The following PWWP2A variants were observed in gnomAD, a reference collection of about 807,000 sequenced individuals.
The protein encoded by PWWP2A is PWWP domain containing 2A.
In PWWP2A, 18 loss-of-function variants were observed where a neutral mutation model predicts 48.5. The observed-to-expected ratio is 0.37, with a 90% CI of 0.26 to 0.55. PWWP2A has a LOEUF of 0.55. PWWP2A is among the 20% of genes least tolerant of loss of function. PWWP2A has a pLI of 0.81. For synonymous variants in PWWP2A, 396 were observed against 387.7 expected (o/e 1.02, Z -0.25); for missense variants, 867 against 976.4 (o/e 0.89, Z 1.49).
At chr5:160,051,125 TC>T in the PWWP2A span, 1 of 1,595,550 alleles carries the variant, frequency 6.3e-7, no homozygotes, top group Non-Finnish European at 8.5e-7. Flanking sequence ...CCTCTTTTCC[TC>T]AGAGATTACC....
the PWWP2A span, among the ~76,000 whole-genome samples, chr5:160,046,701 G>A: frequency 3.9e-3 from 592 of 152,180 alleles, 3 homozygotes; most frequent in African/African-American, 0.013. Flanking sequence ...GAAAATGCAC[G>A]GATTTTTTAA....
chr5:160,098,646 AG>A (rs1755934824), intron 1 of PWWP2A, among the ~76,000 whole-genome samples: 1 of 152,256 alleles, frequency 6.6e-6, no homozygotes, highest in African/African-American at 2.4e-5. Flanking sequence ...ATATGGATCC[AG>A]ATGTAAAACA....
Position 160,092,558 on chromosome 5 carries a change from ACCCAAAC to A in PWWP2A, c.2085_2091del (p.Trp695CysfsTer17). On this transcript the variant is annotated frameshift_variant, in exon 2 of 2. Coordinates refer to ENST00000307063, the MANE Select transcript of PWWP2A (RefSeq NM_001130864.2). LOFTEE classifies it high-confidence loss of function. ...AGAGCAAGGAAAGATGTTGTTGGAG[ACCCAAAC>A]CATGAAATACGGGCCTCCTGTCGGA... The A allele has an allele frequency of 2.6e-6, 4 of 1,551,578 alleles. No homozygotes were observed. Among genetic ancestry groups the A allele is most frequent in the Non-Finnish European group, 3.5e-6 (4 of 1,146,978 alleles).
At chr5:160,115,137 C>CAAAAAAAAAAA (rs535110852) in intron 1 of PWWP2A, among the ~76,000 whole-genome samples, 3 of 88,424 alleles carry the variant, frequency 3.4e-5, no homozygotes, top group African/African-American at 1.7e-4. Flanking sequence ...GAGACTCTGT[C>CAAAAAAAAAAA]AAAAAAAAAA....
At chr5:160,045,728 TTTTTTTA>T in the PWWP2A span, among the ~76,000 whole-genome samples, 5 of 151,876 alleles carry the variant, frequency 3.3e-5, no homozygotes, top group African/African-American at 4.8e-5. Context: ...CCCAGCTAAC[TTTTTTTA>T]TTTTTTATTT....
chr5:160,074,441 A>AT (rs1753818781), downstream of PWWP2A, among the ~76,000 whole-genome samples: 1 of 150,228 alleles, frequency 6.7e-6, no homozygotes, highest in Non-Finnish European at 1.5e-5. Flanking sequence ...TCTGTCTCAA[A>AT]AAAATAAATA....
chr5:160,086,514 CTAAA>C (rs926224973), downstream of PWWP2A, among the ~76,000 whole-genome samples: 4 of 152,040 alleles, frequency 2.6e-5, no homozygotes, highest in Admixed American at 6.6e-5. Context: ...GACCTTGTCT[CTAAA>C]TAAATAAATA....
At chr5:160,103,640 C>G (rs1756535983) in intron 1 of PWWP2A, among the ~76,000 whole-genome samples, 2 of 151,924 alleles carry the variant, frequency 1.3e-5, no homozygotes, top group Admixed American at 6.6e-5. Flanking sequence ...AAGAGCAAAA[C>G]AGGGAGTGGT....
downstream of PWWP2A, among the ~76,000 whole-genome samples, chr5:160,073,449 G>C (rs901078986): frequency 6.6e-6 from 1 of 151,742 alleles, no homozygotes; most frequent in South Asian, 2.1e-4. Flanking sequence ...GGATGGTCTC[G>C]ATCTCCTGAC....
chr5:160,111,459 C>T lies in PWWP2A; in HGVS notation c.584+7346G>A, dbSNP rs545568404. Among the ~76,000 whole-genome samples the T allele has an allele frequency of 1.4e-4, 21 of 151,932 alleles. No individual in the cohort carries two copies. In the Middle Eastern group the frequency reaches 0.01, roughly 74 times the overall value. ...CTGGTATTACAGGCGTGAGCCACCG[C>T]GCCTGGCACTTTTTTTTTTTCTTAA... On this transcript the variant is annotated intron_variant, in intron 1 of 1. Coordinates refer to ENST00000307063, the MANE Select transcript of PWWP2A (RefSeq NM_001130864.2).
At chr5:160,058,612 C>T (rs557598174), downstream of PWWP2A, among the ~76,000 whole-genome samples, 1 of 151,936 alleles carries the variant, frequency 6.6e-6, no homozygotes, top group Admixed American at 6.5e-5. Flanking sequence ...AGGGTTTCAC[C>T]GTGGTAGCCA....
At chr5:160,050,245 C>G in the PWWP2A span, among the ~76,000 whole-genome samples, 1 of 152,106 alleles carries the variant, frequency 6.6e-6, no homozygotes, top group Non-Finnish European at 1.5e-5. Flanking sequence ...GTCGGGAGTT[C>G]GAGACCAGCC....
At chr5:160,058,734 T>G (rs758919665), downstream of PWWP2A, among the ~76,000 whole-genome samples, 1 of 152,134 alleles carries the variant, frequency 6.6e-6, no homozygotes, top group Non-Finnish European at 1.5e-5. Flanking sequence ...TCTTAAATAA[T>G]AAGACTATAA....
intron 1 of PWWP2A, among the ~76,000 whole-genome samples, chr5:160,115,680 G>A (rs1205874999): frequency 2.7e-5 from 4 of 150,866 alleles, no homozygotes; most frequent in African/African-American, 7.3e-5. Context: ...GTGACAGAGT[G>A]AGACTCCATC....
the PWWP2A span, chr5:160,051,331 G>A: frequency 3.5e-3 from 2,027 of 579,872 alleles, 35 homozygotes; most frequent in African/African-American, 0.033. Flanking sequence ...ACCCCAGAAG[G>A]GGCAGCGTGG....
intron 2 of PWWP2A, among the ~76,000 whole-genome samples, chr5:160,070,054 A>G (rs1753705311): frequency 6.6e-6 from 1 of 152,240 alleles, no homozygotes; most frequent in African/African-American, 2.4e-5. Context: ...TGGGATTTCT[A>G]CAACAAATTC....
intron 1 of PWWP2A, among the ~76,000 whole-genome samples, chr5:160,095,703 T>C (rs1380355274): frequency 6.7e-6 from 1 of 149,832 alleles, no homozygotes; most frequent in East Asian, 1.9e-4. Flanking sequence ...TTTTTTTTTT[T>C]TTTTTTTAAA....
At chr5:160,052,663 C>A in the PWWP2A span, among the ~76,000 whole-genome samples, 18 of 150,210 alleles carry the variant, frequency 1.2e-4, no homozygotes, top group Admixed American at 2.0e-4. Context: ...GTCTCTTAGT[C>A]CATTTTTTTA....
At chr5:160,073,459 C>A (rs1459730811), downstream of PWWP2A, among the ~76,000 whole-genome samples, 1 of 151,980 alleles carries the variant, frequency 6.6e-6, no homozygotes, top group Non-Finnish European at 1.5e-5. Context: ...GATCTCCTGA[C>A]CTCATGATCC....
Sources: allele counts gnomAD v4.1 joint callset (sites outside exome capture counted in the v4.1 genomes callset), GRCh38; gene constraint gnomAD v4.1.1; transcripts MANE v1.5; gene names NCBI Gene and HGNC (gene_info 2026-07-23, HGNC 2026-07-21).